BRAF: variants seen among roughly 807,000 people sequenced by gnomAD.
The protein encoded by BRAF is serine/threonine-protein kinase B-raf.
In BRAF, 16 loss-of-function variants were observed where a neutral mutation model predicts 104.6. The observed-to-expected ratio is 0.15, with a 90% CI of 0.10 to 0.23. The LOEUF (loss-of-function observed/expected upper bound fraction) is 0.23, where lower values mean the gene tolerates loss of function less well. BRAF is among the 10% of genes least tolerant of loss of function. BRAF has a pLI of 1.00. For missense variants in BRAF, 541 were observed against 937.3 expected (o/e 0.58, Z 5.52); for synonymous variants, 310 against 341.6 (o/e 0.91, Z 1.02).
chr7:140,852,171 C>T (rs1001714303), intron 1 of BRAF, among the ~76,000 whole-genome samples: 5 of 152,028 alleles, frequency 3.3e-5, no homozygotes, highest in African/African-American at 1.2e-4. Context: ...GAGTTCACAA[C>T]CAGCCTGGGC....
rs570608011 is a variant in BRAF, at chr7:140,849,935, T to A, written c.240+176A>T. Among the ~76,000 whole-genome samples, 16 of 152,328 alleles carry A rather than the reference T, an allele frequency of 1.1e-4. No homozygotes were observed. In the South Asian group the frequency reaches 1.4e-3, roughly 14 times the overall value. ...CTAAATTATAAAATACATGTTTATT[T>A]TAACAAGTGACACAAAACAAGATTA... On this transcript the variant is annotated intron_variant, in intron 2 of 19. Coordinates refer to ENST00000644969, the MANE Select transcript of BRAF (RefSeq NM_001374258.1).
intron 1 of BRAF, among the ~76,000 whole-genome samples, chr7:140,923,703 G>A (rs1041772624): frequency 2.0e-5 from 3 of 152,214 alleles, no homozygotes; most frequent in Admixed American, 6.5e-5. Flanking sequence ...TAGCTCCAAA[G>A]TGTCCAGGAG....
chr7:140,896,863 CA>C (rs766150256), intron 1 of BRAF, among the ~76,000 whole-genome samples: 3,864 of 36,562 alleles, frequency 0.11, 47 homozygotes, highest in South Asian at 0.31. Context: ...GACTCCATCT[CA>C]AAAAAAAAAA....
At chr7:140,894,834 G>A (rs776145162) in intron 1 of BRAF, among the ~76,000 whole-genome samples, 1 of 152,128 alleles carries the variant, frequency 6.6e-6, no homozygotes, top group African/African-American at 2.4e-5. Flanking sequence ...AACAAATGCT[G>A]TATATAACAT....
rs1795585972 is a variant in BRAF at position 140,726,144 on chromosome 7, C to T, written c.*350G>A. 8.9e-7 allele frequency: 1 copy of T among 1,122,376 alleles called. No homozygotes were observed. The highest frequency in any genetic ancestry group is 1.6e-5 in the African/African-American group (1 of 62,498). The allele number at this position is 1,122,376 out of a possible 1,614,324, so 69.5% of individuals were successfully genotyped here. A position where few individuals can be genotyped will look rare whatever the true frequency, so the allele number is the denominator to read the frequency against. ...TGGTTAGAAGGGCAAAGTTGACTGGCAGACTTTCCATAGCAAATCTCCCAA... is the reference window on the plus strand; with the variant it reads ...TGGTTAGAAGGGCAAAGTTGACTGGTAGACTTTCCATAGCAAATCTCCCAA... On this transcript the variant is annotated 3_prime_UTR_variant, in exon 20 of 20. Transcript: ENST00000644969.
At chr7:140,726,571 G>C in intron 19 of BRAF, 1 of 1,409,686 alleles carries the variant, frequency 7.1e-7, no homozygotes, top group Admixed American at 2.0e-5. Flanking sequence ...ATAACCTAGA[G>C]ACACAGAAAA....
chr7:140,918,516 G>T (rs938436393), intron 1 of BRAF, among the ~76,000 whole-genome samples: 1 of 152,144 alleles, frequency 6.6e-6, no homozygotes, highest in Non-Finnish European at 1.5e-5. Context: ...CGAGGCTGTG[G>T]CCCAGGGGTT....
intron 17 of BRAF, chr7:140,748,967 G>A (rs1259840863): frequency 6.6e-6 from 2 of 302,334 alleles, no homozygotes; most frequent in Non-Finnish European, 6.3e-6. Flanking sequence ...ACAGTGAAAA[G>A]TATAATGCCC....
intron 1 of BRAF, among the ~76,000 whole-genome samples, chr7:140,923,714 G>A (rs1415064912): frequency 6.6e-6 from 1 of 152,144 alleles, no homozygotes; most frequent in Non-Finnish European, 1.5e-5. Context: ...TGTCCAGGAG[G>A]ATTTGTGAAG....
intron 14 of BRAF, among the ~76,000 whole-genome samples, chr7:140,761,912 A>G (rs1798777145): frequency 6.6e-6 from 1 of 152,160 alleles, no homozygotes. Context: ...ACCTACAAAG[A>G]GACTTAGACT....
At chr7:140,810,974 G>A (rs998067715) in intron 3 of BRAF, among the ~76,000 whole-genome samples, 1 of 152,148 alleles carries the variant, frequency 6.6e-6, no homozygotes, top group African/African-American at 2.4e-5. Flanking sequence ...TAATCCCTAA[G>A]CATAGTGCTC....
At chr7:140,754,815 C>A (rs746795811) in intron 14 of BRAF, among the ~76,000 whole-genome samples, 6 of 152,130 alleles carry the variant, frequency 3.9e-5, no homozygotes, top group Admixed American at 6.5e-5. Context: ...ACTACTAGAA[C>A]ATGCAGTTTG....
intron 8 of BRAF, among the ~76,000 whole-genome samples, chr7:140,790,143 T>C (rs1801806694): frequency 1.3e-5 from 2 of 152,004 alleles, no homozygotes; most frequent in Admixed American, 6.6e-5. Flanking sequence ...AAGCAAAGAG[T>C]CTTTCAGGTG....
intron 1 of BRAF, among the ~76,000 whole-genome samples, chr7:140,922,497 A>G (rs1818333967): frequency 6.6e-6 from 1 of 152,254 alleles, no homozygotes; most frequent in South Asian, 2.1e-4. Flanking sequence ...ACTCTGCAGC[A>G]AAGTTCCCAA....
chr7:140,859,905 T>G (rs892292473), intron 1 of BRAF, among the ~76,000 whole-genome samples: 1 of 152,164 alleles, frequency 6.6e-6, no homozygotes, highest in South Asian at 2.1e-4. Context: ...GCCAGGATGG[T>G]CTTGATCTCT....
chr7:140,845,628 CCAT>C (rs1259565937), intron 2 of BRAF, among the ~76,000 whole-genome samples: 5 of 152,172 alleles, frequency 3.3e-5, no homozygotes, highest in Admixed American at 6.5e-5. Flanking sequence ...CAAATCAGCA[CCAT>C]AATAAGGTAT....
intron 3 of BRAF, among the ~76,000 whole-genome samples, chr7:140,824,667 C>T (rs189915364): frequency 1.7e-3 from 249 of 149,694 alleles, no homozygotes; most frequent in African/African-American, 5.7e-3. Flanking sequence ...AAAAAAAAAG[C>T]CCGTTGGGAT....
chr7:140,888,615 C>T (rs1813843098), intron 1 of BRAF, among the ~76,000 whole-genome samples: 1 of 152,080 alleles, frequency 6.6e-6, no homozygotes, highest in Non-Finnish European at 1.5e-5. Flanking sequence ...GCGGGCAGAT[C>T]ACCTGAGGTT....
At chr7:140,756,710 T>C (rs879273534) in intron 14 of BRAF, among the ~76,000 whole-genome samples, 1 of 152,196 alleles carries the variant, frequency 6.6e-6, no homozygotes, top group Non-Finnish European at 1.5e-5. Context: ...TGGTAAGATG[T>C]TAAGGAGAGC....
Sources: gnomAD v4.1 joint callset for allele counts (sites outside exome capture counted in the v4.1 genomes callset) on GRCh38, gnomAD v4.1.1 for gene constraint, MANE v1.5 for transcripts, NCBI Gene and HGNC (gene_info 2026-07-23, HGNC 2026-07-21) for gene names.